The following CEP128 variants were observed in gnomAD, a reference collection of about 807,000 sequenced individuals.
The protein encoded by CEP128 is centrosomal protein 128kDa.
Under a neutral mutation model 156.7 loss-of-function variants are expected in CEP128, and 132 were observed. The ratio of observed to expected loss-of-function variants is 0.84; its 90% confidence interval spans 0.73 to 0.97. The LOEUF is 0.97. Among genes scored for constraint, CEP128 ranks in the 50% least tolerant of loss-of-function variants. The probability of loss-of-function intolerance (pLI) is 0.00; values close to 1 mark genes in which losing one functional copy is unlikely to be tolerated. For synonymous variants in CEP128, 469 were observed against 448.9 expected (o/e 1.04, Z -0.57); for missense variants, 1,252 against 1,281.9 (o/e 0.98, Z 0.36).
At chr14:80,723,678 G>A (rs1350636306) in intron 19 of CEP128, among the ~76,000 whole-genome samples, 2 of 152,062 alleles carry the variant, frequency 1.3e-5, no homozygotes, top group Non-Finnish European at 2.9e-5. Context: ...TTTGTTCATT[G>A]GCCAAACTTA....
chr14:80,587,217 A>G (rs1331103780), intron 19 of CEP128, among the ~76,000 whole-genome samples: 1 of 152,180 alleles, frequency 6.6e-6, no homozygotes, highest in Non-Finnish European at 1.5e-5. Context: ...ATCTACTGCC[A>G]CCCACTGGTA....
chr14:80,780,574 C>T (rs141975628), intron 15 of CEP128, among the ~76,000 whole-genome samples: 154 of 152,054 alleles, frequency 1.0e-3, no homozygotes, highest in African/African-American at 3.4e-3. Flanking sequence ...TCAGAAGATC[C>T]GCAGAATGCT....
chr14:80,721,900 G>A lies in CEP128; in HGVS notation c.2806+21175C>T, dbSNP rs115637017. Among the ~76,000 whole-genome samples, 1,309 of 152,286 alleles carry A rather than the reference G, an allele frequency of 8.6e-3. 18 individuals are homozygous for A. The highest frequency in any genetic ancestry group is 0.03 in the African/African-American group (1,265 of 41,554). On this transcript the variant is annotated intron_variant, in intron 19 of 24. Coordinates refer to ENST00000555265, the MANE Select transcript of CEP128 (RefSeq NM_152446.5). ...AGTGTTTAAGTTAGTATTACATTTT[G>A]TCTGATGAATAAACATGAATTAAAT... is the stretch of plus-strand genomic sequence containing the variant.
chr14:80,900,560 A>T (rs1040877692), intron 6 of CEP128, among the ~76,000 whole-genome samples: 1 of 152,240 alleles, frequency 6.6e-6, no homozygotes, highest in African/African-American at 2.4e-5. Flanking sequence ...TTCCTCATGT[A>T]CACTTGGAAC....
intron 21 of CEP128, among the ~76,000 whole-genome samples, chr14:80,548,465 T>A (rs1261918564): frequency 6.6e-6 from 1 of 152,096 alleles, no homozygotes; most frequent in African/African-American, 2.4e-5. Flanking sequence ...TATTTTATGG[T>A]TAAGTTAGGA....
intron 21 of CEP128, among the ~76,000 whole-genome samples, chr14:80,539,524 A>T (rs2218781): frequency 6.6e-6 from 1 of 152,174 alleles, no homozygotes. Context: ...CATTATCTTC[A>T]TAAGCTGAGG....
intron 19 of CEP128, among the ~76,000 whole-genome samples, chr14:80,643,044 G>A (rs1054207728): frequency 6.6e-5 from 10 of 152,102 alleles, no homozygotes; most frequent in East Asian, 1.9e-4. Context: ...GTGAGCCACC[G>A]CGCCCGGCTG....
intron 19 of CEP128, among the ~76,000 whole-genome samples, chr14:80,691,145 C>T (rs1896707190): frequency 6.6e-6 from 1 of 152,118 alleles, no homozygotes; most frequent in Non-Finnish European, 1.5e-5. Context: ...ATGCTAAAAT[C>T]CACAGACCAA....
At chr14:80,479,915 G>T (rs1295018463) in intron 14 of CEP128, among the ~76,000 whole-genome samples, 2 of 152,156 alleles carry the variant, frequency 1.3e-5, no homozygotes, top group East Asian at 3.9e-4. Context: ...ATCCAGTGGG[G>T]CAGTCAAATG....
exon 15 of CEP128, chr14:80,477,369 G>A (rs1218275149): frequency 6.6e-6 from 1 of 152,112 alleles, no homozygotes; most frequent in African/African-American, 2.4e-5. Flanking sequence ...TGGACATTTA[G>A]CTATCCACTA....
chr14:80,717,986 T>G (rs1223819824), intron 19 of CEP128, among the ~76,000 whole-genome samples: 1 of 151,810 alleles, frequency 6.6e-6, no homozygotes, highest in Admixed American at 6.6e-5. Flanking sequence ...AGCTAACTTG[T>G]GTGTGTGTAT....
intron 13 of CEP128, among the ~76,000 whole-genome samples, chr14:80,817,819 T>C (rs1884950368): frequency 6.6e-6 from 1 of 151,276 alleles, no homozygotes; most frequent in South Asian, 2.1e-4. Flanking sequence ...AGGCGGAGGT[T>C]GCAGTGAGTG....
chr14:80,611,700 C>T (rs1035735780), intron 19 of CEP128, among the ~76,000 whole-genome samples: 1 of 152,080 alleles, frequency 6.6e-6, no homozygotes, highest in Non-Finnish European at 1.5e-5. Flanking sequence ...TAAGTATTCC[C>T]AAAGTTAAAT....
intron 21 of CEP128, among the ~76,000 whole-genome samples, chr14:80,550,254 TA>T (rs975371394): frequency 6.6e-6 from 1 of 152,218 alleles, no homozygotes; most frequent in African/African-American, 2.4e-5. Flanking sequence ...GGAAGCTGAT[TA>T]AATGCCGACT....
intron 23 of CEP128, among the ~76,000 whole-genome samples, chr14:80,521,192 T>C (rs1038470703): frequency 5.9e-5 from 9 of 152,042 alleles, no homozygotes; most frequent in Admixed American, 1.3e-4. Context: ...TATATTATGA[T>C]GTTTGTTAAA....
At chr14:80,744,273 C>G (rs1413167795) in intron 18 of CEP128, among the ~76,000 whole-genome samples, 2 of 152,048 alleles carry the variant, frequency 1.3e-5, no homozygotes, top group African/African-American at 2.4e-5. Flanking sequence ...GTCTTAGGAC[C>G]TTCCTAAGTC....
chr14:80,612,400 T>C (rs1219484067), intron 19 of CEP128, among the ~76,000 whole-genome samples: 1 of 152,216 alleles, frequency 6.6e-6, no homozygotes, highest in African/African-American at 2.4e-5. Flanking sequence ...ACAAATACAA[T>C]GACCGTGTTA....
chr14:80,523,950 G>A (rs947959617), intron 23 of CEP128, among the ~76,000 whole-genome samples: 3 of 152,176 alleles, frequency 2.0e-5, no homozygotes, highest in African/African-American at 4.8e-5. Flanking sequence ...ACTGTTCAGT[G>A]CAAAAGCAGC....
chr14:80,738,148 G>A (rs17111040), intron 19 of CEP128, among the ~76,000 whole-genome samples: 9,120 of 152,166 alleles, frequency 0.06, 297 homozygotes, highest in Middle Eastern at 0.1. Flanking sequence ...AGTGATAGAC[G>A]AATGAGTGAC....
Sources: allele counts gnomAD v4.1 joint callset (sites outside exome capture counted in the v4.1 genomes callset), GRCh38; gene constraint gnomAD v4.1.1; transcripts MANE v1.5; gene names NCBI Gene and HGNC (gene_info 2026-07-23, HGNC 2026-07-21).